Variants in LRRC4C observed in about 807,000 individuals in gnomAD.
LRRC4C encodes the protein leucine-rich repeat-containing protein 4C.
LRRC4C carries 5 observed loss-of-function variants against 33.6 expected under a neutral mutation model. That is an observed-to-expected ratio of 0.15 (90% confidence interval 0.08 to 0.31). The LOEUF (loss-of-function observed/expected upper bound fraction) is 0.31, where lower values mean the gene tolerates loss of function less well. Ranked by LOEUF, LRRC4C falls within the 10% of genes least tolerant of loss-of-function variation. LRRC4C has a pLI of 1.00. For synonymous variants in LRRC4C, 329 were observed against 302.0 expected, an observed-to-expected ratio of 1.09 and a Z score of -0.93; for missense variants, 560 against 796.7, an observed-to-expected ratio of 0.70 and a Z score of 3.58.
intron 4 of LRRC4C, among the ~76,000 whole-genome samples, chr11:40,308,305 T>C (rs192418783): frequency 1.3e-5 from 2 of 152,308 alleles, no homozygotes; most frequent in Admixed American, 6.5e-5. Flanking sequence ...TGTGATAAAG[T>C]AGAAGAGAAA....
At chr11:40,651,045 G>T (rs926972408) in intron 2 of LRRC4C, among the ~76,000 whole-genome samples, 2 of 152,106 alleles carry the variant, frequency 1.3e-5, no homozygotes, top group Non-Finnish European at 2.9e-5. Context: ...TAGAACATTT[G>T]CCAGTCAGGT....
chr11:40,231,704 C>T lies in LRRC4C; in HGVS notation c.-96+9815G>A, dbSNP rs573266294. Among the ~76,000 whole-genome samples, 18 of 152,196 alleles carry T rather than the reference C, an allele frequency of 1.2e-4. No homozygotes were observed. In the South Asian group the frequency reaches 3.7e-3, roughly 32 times the overall value. ...ATGTTTAAAATGAACATTCAGTTAT[C>T]TAAATATTGACACTGAAGACCCTAT... On this transcript the variant is annotated intron_variant, in intron 5 of 6. Transcript: ENST00000528697.
chr11:40,648,242 T>A lies in LRRC4C; in HGVS notation c.-370A>T, dbSNP rs1942579930. ...TAGTCTCAGGATGTTTCCATATTGT[T>A]AATCCGCATAAGTTATTCTTGCTTT... On this transcript the variant is annotated 5_prime_UTR_variant, in exon 3 of 7. Coordinates refer to ENST00000528697, the MANE Select transcript of LRRC4C (RefSeq NM_001258419.2). The A allele has an allele frequency of 6.6e-6, 1 of 152,190 alleles. No individual in the cohort carries two copies. Among genetic ancestry groups the A allele is most frequent in the Admixed American group, 6.5e-5 (1 of 15,280 alleles). The allele number at this position is 152,190 out of a possible 1,614,324, so 9.4% of individuals were successfully genotyped here. A position where few individuals can be genotyped will look rare whatever the true frequency, so the allele number is the denominator to read the frequency against.
intron 3 of LRRC4C, among the ~76,000 whole-genome samples, chr11:40,633,228 G>A (rs1963616836): frequency 6.6e-6 from 1 of 152,072 alleles, no homozygotes; most frequent in Non-Finnish European, 1.5e-5. Flanking sequence ...ATATATATGT[G>A]TATACACTCA....
chr11:40,680,627 T>A (rs554933525), intron 2 of LRRC4C, among the ~76,000 whole-genome samples: 21 of 152,198 alleles, frequency 1.4e-4, no homozygotes, highest in Non-Finnish European at 2.5e-4. Context: ...TTTGTTTGCC[T>A]GCTGCCATTC....
At chr11:41,205,570 G>A (rs1305139513) in intron 1 of LRRC4C, among the ~76,000 whole-genome samples, 3 of 152,142 alleles carry the variant, frequency 2.0e-5, no homozygotes, top group Admixed American at 6.5e-5. Flanking sequence ...TTGGACAAAC[G>A]TGGCTCAGAG....
At chr11:40,934,875 A>C (rs914910251) in intron 1 of LRRC4C, among the ~76,000 whole-genome samples, 1 of 152,236 alleles carries the variant, frequency 6.6e-6, no homozygotes, top group East Asian at 1.9e-4. Context: ...AGAATATCCC[A>C]AAGGGAGCTC....
In LRRC4C at chr11:40,311,329, T is replaced by C. The variant is rs565032369; in HGVS notation, c.-176+8299A>G. Among the ~76,000 whole-genome samples the C allele has an allele frequency of 7.4e-4, 112 of 152,322 alleles. 1 individual carries two copies. Among genetic ancestry groups the C allele is most frequent in the African/African-American group, 2.7e-3 (111 of 41,572 alleles). On this transcript the variant is annotated intron_variant, in intron 4 of 6. Transcript: ENST00000528697. ...TAAGCTCTCAGGGCCTGTCTTTGTT[T>C]CCCTTCACAGAAGACAGCATTTATC... is the stretch of plus-strand genomic sequence containing the variant.
chr11:40,150,927 G>A (rs1339269301), intron 5 of LRRC4C, among the ~76,000 whole-genome samples: 1 of 152,054 alleles, frequency 6.6e-6, no homozygotes, highest in Non-Finnish European at 1.5e-5. Flanking sequence ...TATGGGGGTG[G>A]TGGTGAGAGA....
At chr11:41,116,696 T>C (rs944884405) in intron 1 of LRRC4C, among the ~76,000 whole-genome samples, 1 of 152,070 alleles carries the variant, frequency 6.6e-6, no homozygotes, top group African/African-American at 2.4e-5. Context: ...CTTAAAACCC[T>C]CCATTAATTT....
chr11:40,957,498 G>T (rs1173618151), intron 1 of LRRC4C, among the ~76,000 whole-genome samples: 1 of 151,598 alleles, frequency 6.6e-6, no homozygotes, highest in Non-Finnish European at 1.5e-5. Context: ...GTTCATAATA[G>T]CTGTATTTTC....
intron 3 of LRRC4C, among the ~76,000 whole-genome samples, chr11:40,639,543 G>A (rs577912598): frequency 2.0e-5 from 3 of 152,290 alleles, no homozygotes; most frequent in East Asian, 1.9e-4. Flanking sequence ...CCATTCGCTC[G>A]ACAATTTGTT....
intron 1 of LRRC4C, among the ~76,000 whole-genome samples, chr11:41,071,183 T>C (rs898857044): frequency 6.6e-6 from 1 of 152,022 alleles, no homozygotes; most frequent in Non-Finnish European, 1.5e-5. Flanking sequence ...TTCTCACTCA[T>C]GTTAGAGTTG....
intron 2 of LRRC4C, among the ~76,000 whole-genome samples, chr11:40,666,634 G>A (rs1467414119): frequency 6.6e-6 from 1 of 152,088 alleles, no homozygotes; most frequent in Non-Finnish European, 1.5e-5. Context: ...TTATATCAAT[G>A]CATTAATATT....
chr11:40,445,478 CA>C, intron 3 of LRRC4C: 1 of 156,510 alleles, frequency 6.4e-6, no homozygotes. Flanking sequence ...GACTTCTGGC[CA>C]AAAGATTTTC....
intron 1 of LRRC4C, among the ~76,000 whole-genome samples, chr11:41,317,674 G>A (rs1950836280): frequency 6.6e-6 from 1 of 151,958 alleles, no homozygotes; most frequent in African/African-American, 2.4e-5. Context: ...GTCATTTGGA[G>A]GAACAAGGGG....
chr11:40,131,289 A>G (rs1182558701), intron 6 of LRRC4C, among the ~76,000 whole-genome samples: 3 of 152,200 alleles, frequency 2.0e-5, no homozygotes, highest in Non-Finnish European at 2.9e-5. Context: ...TGGCAAAGAG[A>G]GGGCTCAATA....
intron 1 of LRRC4C, among the ~76,000 whole-genome samples, chr11:41,054,607 C>A (rs1044984997): frequency 6.6e-6 from 1 of 152,180 alleles, no homozygotes; most frequent in East Asian, 1.9e-4. Flanking sequence ...CTTTAAGAAT[C>A]AATTTCAGCG....
At chr11:40,181,338 T>A (rs2135521808) in intron 5 of LRRC4C, among the ~76,000 whole-genome samples, 1 of 152,304 alleles carries the variant, frequency 6.6e-6, no homozygotes, top group South Asian at 2.1e-4. Flanking sequence ...GACTGAGGTT[T>A]TTTTCCTCCT....
Sources: gnomAD v4.1 joint callset for allele counts (sites outside exome capture counted in the v4.1 genomes callset) on GRCh38, gnomAD v4.1.1 for gene constraint, MANE v1.5 for transcripts, NCBI Gene and HGNC (gene_info 2026-07-23, HGNC 2026-07-21) for gene names.